Variants in MASP2 observed in about 807,000 individuals in gnomAD.
MASP2 encodes the protein MBL associated serine protease 2.
MASP2 carries 49 observed loss-of-function variants against 57.1 expected under a neutral mutation model. The ratio of observed to expected loss-of-function variants is 0.86; its 90% confidence interval spans 0.68 to 1.09. MASP2 has a LOEUF of 1.09. Among genes scored for constraint, MASP2 ranks in the 50% least tolerant of loss-of-function variants. MASP2 has a pLI of 0.00. For missense variants in MASP2, 900 were observed against 874.8 expected (o/e 1.03, Z -0.36); for synonymous variants, 379 against 340.8 (o/e 1.11, Z -1.24).
chr1:11,047,165 C>T, intron 1 of MASP2, 38 bp downstream of exon 1: 1 of 1,556,138 alleles, frequency 6.4e-7, no homozygotes, highest in South Asian at 1.2e-5. Flanking sequence ...TGTGCTCCCA[C>T]CCCACACCCT....
chr1:11,026,658 A>G lies in MASP2; in HGVS notation c.*227T>C. 2 of 376,176 alleles carry G rather than the reference A, an allele frequency of 5.3e-6. No homozygotes were observed. The highest frequency in any genetic ancestry group is 9.4e-6 in the Non-Finnish European group (2 of 212,310). 23.3% of individuals were successfully genotyped at this position (376,176 alleles called of 1,614,324 possible). A position where few individuals can be genotyped will look rare whatever the true frequency, so the allele number is the denominator to read the frequency against. On this transcript the variant is annotated 3_prime_UTR_variant, in exon 11 of 11. Transcript: ENST00000400897. The stretch of plus-strand genomic sequence containing the variant: ...CAGTGACATTACACTGGGTGGGCAA[A>G]GATGACTGTCACTCTCGTGGTTTAT...
intron 4 of MASP2, chr1:11,045,026 GCCAGC>G: frequency 7.0e-7 from 1 of 1,429,724 alleles, no homozygotes; most frequent in Non-Finnish European, 9.8e-7. Context: ...CAGGGTCAGC[GCCAGC>G]AGGTGGGGCT....
intron 10 of MASP2, among the ~76,000 whole-genome samples, chr1:11,028,739 A>C (rs1445112715): frequency 7.2e-6 from 1 of 139,006 alleles, no homozygotes; most frequent in Non-Finnish European, 1.5e-5. Flanking sequence ...TTTGAGACAG[A>C]GTCTCGCTCT....
chr1:11,030,285 G>C (rs762328597), intron 9 of MASP2, 35 bp from the exon 10 acceptor site: 1 of 1,443,258 alleles, frequency 6.9e-7, no homozygotes, highest in South Asian at 1.2e-5. Flanking sequence ...ATGTTTAACT[G>C]CATGTATAAG....
rs754453881 is a variant in MASP2 at position 11,046,909 on chromosome 1, G to A, written c.216C>T (p.Cys72=). ...ACGGCACCTTGACGAAGTCGTACTC[G>A]CAGAGGTGGGAGAGCTCCAGGTCGA... The part of the protein sequence containing the change: ...THFDLELSHL[C]EYDFVKLSSG... Residue 72 remains cysteine (C), a synonymous_variant, in exon 2 of 11, where the codon TGC becomes TGT. Coordinates refer to ENST00000400897, the MANE Select transcript of MASP2 (RefSeq NM_006610.4). 4.3e-5 allele frequency: 68 copies of A among 1,569,756 alleles called. No homozygotes were observed. The highest frequency in any genetic ancestry group is 5.4e-5 in the Non-Finnish European group (63 of 1,157,134).
chr1:11,046,047 C>G (rs1638627877), intron 3 of MASP2: 1 of 204,516 alleles, frequency 4.9e-6, no homozygotes, highest in African/African-American at 2.3e-5. Flanking sequence ...GAGTCTAGCT[C>G]TGTCGCCCAG....
intron 6 of MASP2, 38 bp from the exon 7 acceptor site, chr1:11,037,849 G>C (rs760136699): frequency 8.0e-7 from 1 of 1,249,104 alleles, no homozygotes; most frequent in East Asian, 2.4e-5. Flanking sequence ...TTTTCATGTG[G>C]TCTACAGCAG....
Position 11,029,024 on chromosome 1 carries a change from G to T in MASP2, c.1297+1152C>A, listed in dbSNP as rs544929710. Among the ~76,000 whole-genome samples, 3 of 144,400 alleles carry T rather than the reference G, an allele frequency of 2.1e-5. No individual in the cohort carries two copies. The East Asian group carries it at 6.2e-4, about 30-fold the overall frequency. 94.7% of individuals were successfully genotyped at this position (144,400 alleles called of 152,430 possible). ...CTCTTTTTTTTTGAGACAGAGTCTC[G>T]CTCTGTTGCCCAGGCTGGAGTGCAG... On this transcript the variant is annotated intron_variant, in intron 10 of 10. Transcript: ENST00000400897.
chr1:11,041,882 G>A (rs371939644), intron 6 of MASP2, among the ~76,000 whole-genome samples: 1 of 146,946 alleles, frequency 6.8e-6, no homozygotes. Context: ...GGAAGGATGG[G>A]TGGATGGGTG....
At chr1:11,046,847 C>T in intron 2 of MASP2, 44 bp downstream of exon 2, 1 of 1,545,446 alleles carries the variant, frequency 6.5e-7, no homozygotes, top group Non-Finnish European at 8.8e-7. Flanking sequence ...TCCTTGGGGA[C>T]CCCCCGACCC....
chr1:11,029,231 A>C (rs1299687357), intron 10 of MASP2, among the ~76,000 whole-genome samples: 1 of 150,818 alleles, frequency 6.6e-6, no homozygotes, highest in African/African-American at 2.4e-5. Context: ...CGATCTCCTG[A>C]CCTCGTGATC....
intron 10 of MASP2, among the ~76,000 whole-genome samples, chr1:11,029,000 T>A (rs1270765299): frequency 6.8e-6 from 1 of 146,668 alleles, no homozygotes; most frequent in Non-Finnish European, 1.5e-5. Flanking sequence ...TTTCTTTTTC[T>A]CTTTTTTTTT....
Position 11,030,851 on chromosome 1 carries a change from G to GGAGT in MASP2, c.1118_1119insACTC (p.Ser374LeufsTer25). 9 of 1,613,750 alleles carry GGAGT rather than the reference G, an allele frequency of 5.6e-6. No homozygotes were observed. Among genetic ancestry groups the GGAGT allele is most frequent in the Non-Finnish European group, 7.6e-6 (9 of 1,179,852 alleles). On this transcript the variant is annotated frameshift_variant, in exon 9 of 11. Transcript: ENST00000400897. LOFTEE classifies it high-confidence loss of function. ...CTGTGATGTACTCCACTCGGCCACTGGGTAGATCATCAGGAGGGCCACAGT... is the reference window on the plus strand; with the variant it reads ...CTGTGATGTACTCCACTCGGCCACTGGAGTGGTAGATCATCAGGAGGGCCACAGT...
intron 6 of MASP2, among the ~76,000 whole-genome samples, chr1:11,039,888 ATGGATGGATGGATAGATG>A (rs1224749969): frequency 1.5e-4 from 15 of 101,262 alleles, no homozygotes; most frequent in African/African-American, 4.1e-4. Flanking sequence ...GGATGGATGG[ATGGATGGATGGATAGATG>A]GATGGATAGA....
At chr1:11,035,459 G>A (rs1259902209) in intron 7 of MASP2, among the ~76,000 whole-genome samples, 2 of 151,996 alleles carry the variant, frequency 1.3e-5, no homozygotes, top group African/African-American at 4.8e-5. Flanking sequence ...CCTGTGAGGC[G>A]GGGGTTGCAG....
At chr1:11,046,328 TGAGGCGATGCTGTCCTCA>T in intron 3 of MASP2, 1 of 591,938 alleles carries the variant, frequency 1.7e-6, no homozygotes, top group Non-Finnish European at 3.0e-6. Context: ...CTGCGTCACT[TGAGGCGATGCTGTCCTCA>T]GATCCCTGGC....
chr1:11,045,864 T>C, intron 3 of MASP2: 1 of 363,018 alleles, frequency 2.8e-6, no homozygotes, highest in Non-Finnish European at 5.1e-6. Flanking sequence ...AGCAGCTTCC[T>C]AAGGAGCAGA....
At chr1:11,037,493 G>A (rs35733753) in intron 7 of MASP2, among the ~76,000 whole-genome samples, 200 bp downstream of exon 7, 12,971 of 152,132 alleles carry the variant, frequency 0.085, 1,105 homozygotes, top group African/African-American at 0.21. Flanking sequence ...AAAAGGGCGG[G>A]ATTCAGAATC....
intron 6 of MASP2, among the ~76,000 whole-genome samples, chr1:11,042,281 T>C (rs772540105): frequency 5.3e-5 from 8 of 150,382 alleles, no homozygotes; most frequent in Non-Finnish European, 1.0e-4. Context: ...GGTGGATGAA[T>C]AGAAGAATGG....
Sources: gnomAD v4.1 joint callset for allele counts (sites outside exome capture counted in the v4.1 genomes callset) on GRCh38, gnomAD v4.1.1 for gene constraint, MANE v1.5 for transcripts, NCBI Gene and HGNC (gene_info 2026-07-23, HGNC 2026-07-21) for gene names.